Variants in PRDM13 observed in about 807,000 individuals in gnomAD.
PRDM13 encodes PR domain zinc finger protein 13.
PRDM13 carries 15 observed loss-of-function variants against 36.4 expected under a neutral mutation model. The observed-to-expected ratio is 0.41, with a 90% CI of 0.28 to 0.64. The LOEUF is 0.64. PRDM13 is among the 30% of genes least tolerant of loss of function. PRDM13 has a pLI of 0.29. For missense variants in PRDM13, 1,044 were observed against 1,013.5 expected (o/e 1.03, Z -0.41); for synonymous variants, 531 against 467.7 (o/e 1.14, Z -1.75).
chr6:99,608,767 G>A lies in PRDM13; in HGVS notation c.171G>A (p.Val57=). 1 of 1,611,928 alleles carries A rather than the reference G, an allele frequency of 6.2e-7. No individual in the cohort carries two copies. Among genetic ancestry groups the A allele is most frequent in the Non-Finnish European group, 8.5e-7 (1 of 1,179,108 alleles). The change falls in exon 2 of 4, where the codon GTG becomes GTA. Residue 57 remains valine, a synonymous_variant. Transcript: ENST00000369215. The part of the protein sequence containing the change: ...KKVRMVRGEL[V]DESGGSPLEW... ...TGCGCATGGTGAGAGGGGAGCTGGT[G>A]GACGAGTCGGGGGGCTCCCCTCTGG...
At chr6:99,610,345 T>C (rs1246037930) in intron 3 of PRDM13, among the ~76,000 whole-genome samples, 1 of 152,266 alleles carries the variant, frequency 6.6e-6, no homozygotes, top group Non-Finnish European at 1.5e-5. Context: ...GACTTCCTTT[T>C]CACACACAAA....
In PRDM13 at chr6:99,613,405, G is replaced by A. The variant is rs767811231; in HGVS notation, c.770G>A (p.Arg257His). The change falls in exon 4 of 4, where the codon CGT becomes CAT. Residue 257 changes from arginine to histidine, a missense_variant. This residue lies in a region of PRDM13 where 921 missense variants were observed against 865.2 expected (regional missense o/e 1.06). Coordinates refer to ENST00000369215, the MANE Select transcript of PRDM13 (RefSeq NM_021620.4). The surrounding 1 kb of genome is among the most constrained non-coding windows in gnomAD (Gnocchi z 6.1). ...AAGAAGGGCAAGGAGCAGCTGGACC[G>A]TGCCCTGGACATGAGCGGAGCCGCC... ...QPKKGKEQLD[R>H]ALDMSGAARG... 2.5e-5 allele frequency: 39 copies of A among 1,557,110 alleles called. No homozygotes were observed. In the East Asian group the frequency reaches 8.9e-4, roughly 36 times the overall value.
At chr6:99,611,955 T>C (rs551229278) in intron 3 of PRDM13, among the ~76,000 whole-genome samples, 42 of 152,350 alleles carry the variant, frequency 2.8e-4, no homozygotes, top group South Asian at 6.2e-4. Flanking sequence ...AATTAACTTC[T>C]AGTATGTGAT....
In PRDM13 at chr6:99,613,695, C is replaced by G; in HGVS notation, c.1060C>G (p.His354Asp). ...NSAAGGAGHH[H>D]HHHAHHHHHP... is the part of the protein sequence containing the mutation. ...GGCGGCGGGCGGCGCGGGTCACCAC[C>G]ATCACCACCACGCGCACCACCACCA... Residue 354 changes from histidine to aspartate, a missense_variant, in exon 4 of 4, where the codon CAT (histidine) becomes GAT (aspartate). Physicochemically the swap from His to Asp is moderately conservative, Grantham distance 81. Around this residue, in one of 3 missense-constraint regions of PRDM13, gnomAD observed 921 missense variants for 865.2 expected, o/e 1.06. Coordinates refer to ENST00000369215, the MANE Select transcript of PRDM13 (RefSeq NM_021620.4). The surrounding 1 kb of genome is among the most constrained non-coding windows in gnomAD (Gnocchi z 6.1). 6.8e-7 allele frequency: 1 copy of G among 1,469,178 alleles called. No homozygotes were observed. The highest frequency in any genetic ancestry group is 8.9e-7 in the Non-Finnish European group (1 of 1,120,442). 91.0% of individuals were successfully genotyped at this position (1,469,178 alleles called of 1,614,324 possible).
chr6:99,610,919 G>A (rs917275496), intron 3 of PRDM13, among the ~76,000 whole-genome samples: 2 of 152,082 alleles, frequency 1.3e-5, no homozygotes, highest in East Asian at 1.9e-4. Context: ...GGTAACAGAT[G>A]TCAAAATAAA....
chr6:99,613,462 G>A lies in PRDM13; in HGVS notation c.827G>A (p.Gly276Asp). 2 of 1,534,228 alleles carry A rather than the reference G, an allele frequency of 1.3e-6. No homozygotes were observed. Among genetic ancestry groups the A allele is most frequent in the Non-Finnish European group, 8.7e-7 (1 of 1,149,328 alleles). The change falls in exon 4 of 4, where the codon GGC (glycine) becomes GAC (aspartate). Residue 276 changes from glycine to aspartate, a missense_variant. By Grantham distance (94) the Gly-to-Asp change is moderately conservative. Transcript: ENST00000369215. The surrounding 1 kb of genome is among the most constrained non-coding windows in gnomAD (Gnocchi z 6.1). ...CAAGGGCACTTCCTCGGCATCGTGG[G>A]CGGCTCCTCGGCGGGGGTCGGCAGC... is the stretch of plus-strand genomic sequence containing the variant. The part of the protein sequence containing the change: ...RGQGHFLGIV[G>D]GSSAGVGSLA...
chr6:99,609,796 G>T (rs537283567), intron 3 of PRDM13, among the ~76,000 whole-genome samples: 1 of 152,160 alleles, frequency 6.6e-6, no homozygotes, highest in South Asian at 2.1e-4. Flanking sequence ...TGAGGCAAGA[G>T]GATCACTTGA....
At chr6:99,609,395 T>C (rs1770000714) in intron 3 of PRDM13, 88 bp downstream of exon 3, 2 of 1,495,596 alleles carry the variant, frequency 1.3e-6, no homozygotes, top group African/African-American at 1.4e-5. Flanking sequence ...TCGATCTATG[T>C]AAAATGGAAT....
At chr6:99,609,089 C>T (rs1008299618) in intron 2 of PRDM13, 98 bp from the exon 3 acceptor site, 2 of 1,475,566 alleles carry the variant, frequency 1.4e-6, no homozygotes, top group African/African-American at 2.8e-5. Context: ...TCCAGGGTCA[C>T]ACAGCATCAG....
At position 99,614,146 on chromosome 6, in the gene PRDM13, C is replaced by T; in HGVS notation, c.1511C>T (p.Ala504Val). 6.3e-7 allele frequency: 1 copy of T among 1,598,490 alleles called. No individual in the cohort carries two copies. The highest frequency in any genetic ancestry group is 8.5e-7 in the Non-Finnish European group (1 of 1,174,564). ...ESISYFSGPAAAALSPAELGS... is the reference protein window; with the variant it reads ...ESISYFSGPAVAALSPAELGS... Reference sequence around the variant, plus strand: ...ATCTCCTACTTCAGCGGGCCTGCAGCGGCCGCCCTAAGCCCCGCCGAGCTG... The same window carrying T: ...ATCTCCTACTTCAGCGGGCCTGCAGTGGCCGCCCTAAGCCCCGCCGAGCTG... Residue 504 changes from alanine to valine, a missense_variant, in exon 4 of 4, where the codon GCG becomes GTG. Ala to Val is a moderately conservative substitution (Grantham distance 64, BLOSUM62 0). Transcript: ENST00000369215.
intron 2 of PRDM13, 25 bp downstream of exon 2, chr6:99,608,897 C>T: frequency 1.3e-6 from 2 of 1,597,662 alleles, no homozygotes; most frequent in African/African-American, 1.3e-5. Context: ...TCTCCACACC[C>T]CCCCACTCCC....
At position 99,614,933 on chromosome 6, in the gene PRDM13, AGAG is replaced by A; in HGVS notation, c.*175_*177del. On this transcript the variant is annotated 3_prime_UTR_variant, in exon 4 of 4. Transcript: ENST00000369215. ...GGTCCCACATCTGGTGCTGAAACTC[AGAG>A]CAACAGTTCAGAGGTGGCGTAAATC... The A allele has an allele frequency of 1.1e-6, 1 of 898,318 alleles. No individual in the cohort carries two copies. Among genetic ancestry groups the A allele is most frequent in the Non-Finnish European group, 1.6e-6 (1 of 612,618 alleles). The allele number at this position is 898,318 out of a possible 1,614,324, so 55.6% of individuals were successfully genotyped here. A position where few individuals can be genotyped will look rare whatever the true frequency, so the allele number is the denominator to read the frequency against.
chr6:99,613,603 G>A lies in PRDM13; in HGVS notation c.968G>A (p.Gly323Asp). 6.7e-7 allele frequency: 1 copy of A among 1,490,430 alleles called. No homozygotes were observed. Among genetic ancestry groups the A allele is most frequent in the Admixed American group, 2.3e-5 (1 of 43,864 alleles). The allele number at this position is 1,490,430 out of a possible 1,614,324, so 92.3% of individuals were successfully genotyped here. Residue 323 changes from glycine to aspartate, a missense_variant, in exon 4 of 4, where the codon GGC becomes GAC. Around this residue, in one of 3 missense-constraint regions of PRDM13, gnomAD observed 921 missense variants for 865.2 expected, o/e 1.06. Transcript: ENST00000369215. This position sits in a 1 kb window ranked among gnomAD's most constrained non-coding sequence, Gnocchi z 6.1. ...REESSSKQGA[G>D]LALGRLLGGG... ...GAGAGCAGCAGCAAGCAAGGAGCCG[G>A]CCTCGCTTTGGGCAGGCTGCTGGGC...
At chr6:99,609,726 CA>C (rs1190979152) in intron 3 of PRDM13, among the ~76,000 whole-genome samples, 1 of 151,580 alleles carries the variant, frequency 6.6e-6, no homozygotes, top group Non-Finnish European at 1.5e-5. Flanking sequence ...GTCTCTACAA[CA>C]AAAAAATAAT....
rs773451877 is a variant in PRDM13, at chr6:99,608,877, T to G, written c.276+5T>G. Reference sequence around the variant, plus strand: ...GCAGACTTACCCGGAGGACAGGTACTGCGGGCTTCTCTCCACACCCCCCCA... The same window carrying G: ...GCAGACTTACCCGGAGGACAGGTACGGCGGGCTTCTCTCCACACCCCCCCA... On this transcript the variant is annotated splice_donor_5th_base_variant and intron_variant, in intron 2 of 3. Coordinates refer to ENST00000369215, the MANE Select transcript of PRDM13 (RefSeq NM_021620.4). The G allele has an allele frequency of 6.2e-7, 1 of 1,609,850 alleles. No individual in the cohort carries two copies. The highest frequency in any genetic ancestry group is 8.5e-7 in the Non-Finnish European group (1 of 1,177,910).
Position 99,614,621 on chromosome 6 carries a change from G to A in PRDM13, c.1986G>A (p.Ala662=). The A allele has an allele frequency of 1.2e-6, 2 of 1,612,428 alleles. No individual in the cohort carries two copies. The highest frequency in any genetic ancestry group is 1.3e-5 in the African/African-American group (1 of 75,038). ...CTGGCCAGAGTCTGCTCGCCAAAGC[G>A]GGCGACGGCCCGGGTGCCGAGCCCG... The part of the protein sequence containing the change: ...RHPGQSLLAK[A]GDGPGAEPGY... The change falls in exon 4 of 4, where the codon GCG becomes GCA. Residue 662 remains alanine (A), a synonymous_variant. Coordinates refer to ENST00000369215, the MANE Select transcript of PRDM13 (RefSeq NM_021620.4).
At chr6:99,609,004 C>T in intron 2 of PRDM13, 132 bp downstream of exon 2, 1 of 1,411,676 alleles carries the variant, frequency 7.1e-7, no homozygotes, top group Non-Finnish European at 9.5e-7. Context: ...GTCTCGACAA[C>T]CCTTTAAGGT....
chr6:99,608,780 G>T lies in PRDM13; in HGVS notation c.184G>T (p.Gly62Cys). 2 of 1,612,570 alleles carry T rather than the reference G, an allele frequency of 1.2e-6. No homozygotes were observed. Among genetic ancestry groups the T allele is most frequent in the Non-Finnish European group, 8.5e-7 (1 of 1,179,346 alleles). ...VRGELVDESGGSPLEWIGLIR... is the reference protein window; with the variant it reads ...VRGELVDESGCSPLEWIGLIR... ...AGGGGAGCTGGTGGACGAGTCGGGG[G>T]GCTCCCCTCTGGAGTGGATAGGGTT... The change falls in exon 2 of 4, where the codon GGC (glycine) becomes TGC (cysteine). Residue 62 changes from glycine to cysteine, a missense_variant. Gly to Cys is a radical substitution (Grantham distance 159). Transcript: ENST00000369215.
rs1473325295 is a variant in PRDM13 at position 99,614,645 on chromosome 6, C to T, written c.2010C>T (p.Pro670=). 1.2e-6 allele frequency: 2 copies of T among 1,612,234 alleles called. No individual in the cohort carries two copies. The highest frequency in any genetic ancestry group is 1.3e-5 in the African/African-American group (1 of 74,924). The change falls in exon 4 of 4, where the codon CCC becomes CCT. Residue 670 remains proline, a synonymous_variant. Coordinates refer to ENST00000369215, the MANE Select transcript of PRDM13 (RefSeq NM_021620.4). ...AKAGDGPGAE[P]GYPPEPGDPK... ...CGGGCGACGGCCCGGGTGCCGAGCC[C>T]GGCTATCCCCCGGAGCCTGGGGATC...
Sources: gnomAD v4.1 joint callset for allele counts (sites outside exome capture counted in the v4.1 genomes callset) on GRCh38, gnomAD v4.1.1 for gene constraint, gnomAD v4.1.1 regional missense constraint, Gnocchi (gnomAD v3.1) non-coding constraint, MANE v1.5 for transcripts, NCBI Gene and HGNC (gene_info 2026-07-23, HGNC 2026-07-21) for gene names.